LRP6: variants seen among roughly 807,000 people sequenced by gnomAD.
LRP6 encodes low-density lipoprotein receptor-related protein 6.
In LRP6, 43 loss-of-function variants were observed where a neutral mutation model predicts 184.1. The observed-to-expected ratio is 0.23, with a 90% confidence interval of 0.18 to 0.30. LRP6 has a LOEUF of 0.30. Among genes scored for constraint, LRP6 ranks in the 10% least tolerant of loss-of-function variants. The pLI, the probability that LRP6 is intolerant of heterozygous loss-of-function variation, is 1.00. For missense variants in LRP6, 1,571 were observed against 2,005.3 expected (o/e 0.78, Z 4.14); for synonymous variants, 719 against 684.9 (o/e 1.05, Z -0.78).
At chr12:12,229,389 AAG>A (rs1565682230) in intron 2 of LRP6, among the ~76,000 whole-genome samples, 2 of 45,120 alleles carry the variant, frequency 4.4e-5, no homozygotes, top group African/African-American at 8.0e-5. Context: ...AAAAAAAAAG[AAG>A]AAGAAGAAGA....
intron 2 of LRP6, among the ~76,000 whole-genome samples, chr12:12,235,559 C>T (rs533164754): frequency 2.0e-5 from 3 of 151,982 alleles, no homozygotes; most frequent in African/African-American, 7.2e-5. Flanking sequence ...GCAGAAACCC[C>T]GTCTCTACTA....
At chr12:12,234,853 A>G (rs1864892161) in intron 2 of LRP6, among the ~76,000 whole-genome samples, 2 of 151,806 alleles carry the variant, frequency 1.3e-5, no homozygotes, top group Non-Finnish European at 1.5e-5. Context: ...ACACATTCAC[A>G]TTCTGAGAAC....
intron 9 of LRP6, among the ~76,000 whole-genome samples, chr12:12,163,483 T>C (rs1355388767): frequency 6.6e-6 from 1 of 152,242 alleles, no homozygotes. Context: ...GAAAAGATTA[T>C]TCTTCAGATT....
chr12:12,243,403 A>C (rs1302450806), intron 2 of LRP6, among the ~76,000 whole-genome samples: 1 of 152,204 alleles, frequency 6.6e-6, no homozygotes, highest in Non-Finnish European at 1.5e-5. Context: ...AGAGTGTAAC[A>C]AAAAAACACT....
At chr12:12,215,058 C>T (rs56998126) in intron 2 of LRP6, among the ~76,000 whole-genome samples, 19,971 of 152,206 alleles carry the variant, frequency 0.13, 1,724 homozygotes, top group African/African-American at 0.24. Flanking sequence ...TTCTCATCTT[C>T]CTGGCTGCAG....
chr12:12,168,241 T>C (rs772215748), intron 7 of LRP6, among the ~76,000 whole-genome samples: 2 of 152,114 alleles, frequency 1.3e-5, no homozygotes, highest in East Asian at 3.8e-4. Context: ...TACAATCTAA[T>C]TGGGGAGGTA....
At chr12:12,261,118 AT>A (rs1228216028) in intron 1 of LRP6, among the ~76,000 whole-genome samples, 6 of 152,176 alleles carry the variant, frequency 3.9e-5, no homozygotes, top group African/African-American at 1.4e-4. Context: ...AAAGAAAAAA[AT>A]CTCTTAAAAA....
intron 15 of LRP6, among the ~76,000 whole-genome samples, chr12:12,141,909 T>C (rs1479542775): frequency 6.6e-6 from 1 of 152,188 alleles, no homozygotes; most frequent in African/African-American, 2.4e-5. Context: ...ATCTGCAAAC[T>C]TGTGCCTCGA....
chr12:12,249,697 AAGGAAGG>A lies in LRP6; in HGVS notation c.56-5049_56-5043del, dbSNP rs1260648119. ...GAAGGAAGGAAGGAAGGAAGGAAGGAAGGAAGGAAGGAAGGAAGGAAGGAAGGAAGGA... is the reference window on the plus strand; with the variant it reads ...GAAGGAAGGAAGGAAGGAAGGAAGGAAAGGAAGGAAGGAAGGAAGGAAGGA... On this transcript the variant is annotated intron_variant, in intron 1 of 22. Coordinates refer to ENST00000261349, the MANE Select transcript of LRP6 (RefSeq NM_002336.3). Among the ~76,000 whole-genome samples, 116 of 137,974 alleles carry A rather than the reference AAGGAAGG, an allele frequency of 8.4e-4. 1 individual carries two copies. The highest frequency in any genetic ancestry group is 3.0e-3 in the African/African-American group (112 of 37,234). The allele number at this position is 137,974 out of a possible 152,430, so 90.5% of individuals were successfully genotyped here.
intron 1 of LRP6, among the ~76,000 whole-genome samples, chr12:12,248,801 C>T (rs73057424): frequency 0.015 from 2,348 of 152,192 alleles, 26 homozygotes; most frequent in Non-Finnish European, 0.025. Context: ...ATTCTTAACA[C>T]CTCTAGAGCA....
chr12:12,133,647 C>T (rs1465231167), intron 17 of LRP6, among the ~76,000 whole-genome samples: 3 of 151,918 alleles, frequency 2.0e-5, no homozygotes, highest in Non-Finnish European at 2.9e-5. Context: ...TGTCAAAACT[C>T]GTTTTAATAC....
At chr12:12,180,260 T>TTA (rs1863311211) in intron 6 of LRP6, among the ~76,000 whole-genome samples, 1 of 149,796 alleles carries the variant, frequency 6.7e-6, no homozygotes, top group African/African-American at 2.4e-5. Context: ...TTTTTTTTTT[T>TTA]AAATATTTTG....
In LRP6 at chr12:12,148,932, A is replaced by G. The variant is rs567302143; in HGVS notation, c.3206+10T>C. The G allele has an allele frequency of 6.2e-7, 1 of 1,607,548 alleles. No individual in the cohort carries two copies. Among genetic ancestry groups the G allele is most frequent in the East Asian group, 2.2e-5 (1 of 44,866 alleles). ...AGCCACAGTATCTGAACGCCACTTT[A>G]GTAACATACCCTTTCTCTGGGTTTA... On this transcript the variant is annotated intron_variant, in intron 14 of 22. Coordinates refer to ENST00000261349, the MANE Select transcript of LRP6 (RefSeq NM_002336.3).
At chr12:12,133,782 T>G (rs922370375) in intron 17 of LRP6, among the ~76,000 whole-genome samples, 1 of 145,872 alleles carries the variant, frequency 6.9e-6, no homozygotes, top group African/African-American at 2.6e-5. Context: ...AAAGAGAAAT[T>G]TTTCTAGGAT....
At chr12:12,234,242 G>A (rs753837950) in intron 2 of LRP6, among the ~76,000 whole-genome samples, 4 of 151,522 alleles carry the variant, frequency 2.6e-5, no homozygotes, top group Non-Finnish European at 5.9e-5. Context: ...AGCCAAGATC[G>A]CACCATTACA....
chr12:12,249,014 G>C (rs947880734), intron 1 of LRP6: 2 of 613,918 alleles, frequency 3.3e-6, no homozygotes, highest in Admixed American at 5.0e-5. Context: ...AGGCTCGGGG[G>C]TAAAAGTCCC....
intron 12 of LRP6, among the ~76,000 whole-genome samples, chr12:12,151,385 T>C (rs1456496869): frequency 1.3e-5 from 2 of 152,066 alleles, no homozygotes; most frequent in Non-Finnish European, 1.5e-5. Context: ...TAACCTATTC[T>C]GTCTGGTGGG....
chr12:12,198,774 C>G (rs563088500), intron 3 of LRP6, among the ~76,000 whole-genome samples: 2 of 151,974 alleles, frequency 1.3e-5, no homozygotes, highest in South Asian at 4.2e-4. Context: ...CCTCAGGTGA[C>G]CCGCCTGCCT....
chr12:12,216,199 CAG>C (rs776249154), intron 2 of LRP6, among the ~76,000 whole-genome samples: 1 of 152,070 alleles, frequency 6.6e-6, no homozygotes, highest in Admixed American at 6.6e-5. Context: ...CACACACAAA[CAG>C]GGAGAAGACA....
Sources: allele counts gnomAD v4.1 joint callset (sites outside exome capture counted in the v4.1 genomes callset), GRCh38; gene constraint gnomAD v4.1.1; transcripts MANE v1.5; gene names NCBI Gene and HGNC (gene_info 2026-07-23, HGNC 2026-07-21).